Variants in FGF14 observed in about 807,000 individuals in gnomAD.
FGF14 encodes fibroblast growth factor 14.
In FGF14, 5 loss-of-function variants were observed where a neutral mutation model predicts 25.5. The ratio of observed to expected loss-of-function variants is 0.20; its 90% CI spans 0.10 to 0.41. The LOEUF (loss-of-function observed/expected upper bound fraction) is 0.41. Ranked by LOEUF, FGF14 falls within the 10% of genes least tolerant of loss-of-function variation. The pLI is 1.00. For missense variants in FGF14, 222 were observed against 320.1 expected (o/e 0.69, Z 2.34); for synonymous variants, 138 against 118.3 (o/e 1.17, Z -1.08).
intron 1 of FGF14, among the ~76,000 whole-genome samples, chr13:101,929,066 G>A (rs2034566550): frequency 6.6e-6 from 1 of 152,106 alleles, no homozygotes; most frequent in Non-Finnish European, 1.5e-5. Flanking sequence ...TTACATTAAT[G>A]CGTCTATTGA....
chr13:102,267,072 T>C (rs2053023481), intron 1 of FGF14, among the ~76,000 whole-genome samples: 1 of 152,198 alleles, frequency 6.6e-6, no homozygotes, highest in Non-Finnish European at 1.5e-5. Context: ...AGAAATGATG[T>C]GGAAAGTTAA....
At chr13:102,401,784 T>C, upstream of FGF14, 2 of 955,870 alleles carry the variant, frequency 2.1e-6, no homozygotes, top group Non-Finnish European at 3.3e-6. Context: ...GGGTGAATGA[T>C]TTATCCCCCC....
intron 1 of FGF14, among the ~76,000 whole-genome samples, chr13:102,219,324 T>C (rs1000129276): frequency 1.2e-4 from 19 of 152,190 alleles, no homozygotes; most frequent in African/African-American, 4.6e-4. Context: ...TGCATTTTCT[T>C]GCCCTACCTC....
At chr13:102,322,343 T>G (rs992620379) in intron 1 of FGF14, among the ~76,000 whole-genome samples, 1 of 152,090 alleles carries the variant, frequency 6.6e-6, no homozygotes, top group Non-Finnish European at 1.5e-5. Flanking sequence ...TGGCATAGAG[T>G]GCAGGAACAT....
intron 1 of FGF14, among the ~76,000 whole-genome samples, chr13:101,986,076 A>T (rs1208786367): frequency 1.3e-5 from 2 of 152,154 alleles, no homozygotes; most frequent in African/African-American, 4.8e-5. Flanking sequence ...TGTAAGTTCA[A>T]TTTGATACTT....
chr13:101,832,767 T>C lies in FGF14; in HGVS notation c.408+35958A>G, dbSNP rs368007202. 1.1e-4 allele frequency among the ~76,000 whole-genome samples: 17 copies of C among 151,818 alleles called. No individual in the cohort carries two copies. The East Asian group carries it at 1.9e-3, about 17-fold the overall frequency. ...AGGACATGAACTTTTAAATGAAGAG[T>C]AATGAGATAGAAAGACATAAGAATT... On this transcript the variant is annotated intron_variant, in intron 3 of 4. Coordinates refer to ENST00000376143, the MANE Select transcript of FGF14 (RefSeq NM_004115.4).
At chr13:101,938,465 A>G (rs1214503792) in intron 1 of FGF14, among the ~76,000 whole-genome samples, 1 of 152,238 alleles carries the variant, frequency 6.6e-6, no homozygotes, top group East Asian at 1.9e-4. Context: ...AGACATGAAT[A>G]TGGAAAGAAC....
At chr13:101,899,146 A>G (rs2031171900) in intron 1 of FGF14, among the ~76,000 whole-genome samples, 1 of 152,166 alleles carries the variant, frequency 6.6e-6, no homozygotes, top group Admixed American at 6.6e-5. Context: ...GTGAAAGCCA[A>G]TTTCAAATAT....
Position 101,793,869 on chromosome 13 carries a change from A to G in FGF14, c.409-67059T>C, listed in dbSNP as rs1218652475. Among the ~76,000 whole-genome samples, 3 of 152,092 alleles carry G rather than the reference A, an allele frequency of 2.0e-5. No homozygotes were observed. In the East Asian group the frequency reaches 5.8e-4, roughly 29 times the overall value. On this transcript the variant is annotated intron_variant, in intron 3 of 4. Coordinates refer to ENST00000376143, the MANE Select transcript of FGF14 (RefSeq NM_004115.4). ...TTCACATTTTATTTTGAAAATAATC[A>G]ATTAGCTATATATATATTAGTGAGA...
At chr13:102,014,772 CTT>C (rs1049627103) in intron 1 of FGF14, among the ~76,000 whole-genome samples, 21 of 151,946 alleles carry the variant, frequency 1.4e-4, no homozygotes, top group African/African-American at 4.8e-4. Context: ...ATATGACAAA[CTT>C]ATTTTTTTAT....
intron 1 of FGF14, among the ~76,000 whole-genome samples, chr13:102,037,295 A>T (rs1347705964): frequency 6.6e-6 from 1 of 152,128 alleles, no homozygotes; most frequent in African/African-American, 2.4e-5. Flanking sequence ...CAGTGGACTA[A>T]AATCAGGGTT....
Position 102,176,860 on chromosome 13 carries a change from G to GT in FGF14, c.208+224610_208+224611insA, listed in dbSNP as rs1156727546. Among the ~76,000 whole-genome samples the GT allele has an allele frequency of 2.6e-5, 4 of 151,178 alleles. No individual in the cohort carries two copies. The East Asian group carries it at 5.9e-4, about 22-fold the overall frequency. On this transcript the variant is annotated intron_variant, in intron 1 of 4. Coordinates refer to the FGF14 transcript ENST00000376131. ...ATTAAATTGTAAACATTAAACGTGTGGTTTTTTTGTATGTCAATTACACTT... is the reference window on the plus strand; with the variant it reads ...ATTAAATTGTAAACATTAAACGTGTGTGTTTTTTTGTATGTCAATTACACTT...
chr13:102,123,809 A>G (rs952267445), intron 1 of FGF14, among the ~76,000 whole-genome samples: 4 of 152,152 alleles, frequency 2.6e-5, no homozygotes, highest in Admixed American at 2.0e-4. Context: ...TAGGCACTCC[A>G]TAGAATAAGT....
chr13:101,973,909 A>C (rs532566834), intron 1 of FGF14, among the ~76,000 whole-genome samples: 1 of 152,180 alleles, frequency 6.6e-6, no homozygotes, highest in Non-Finnish European at 1.5e-5. Flanking sequence ...GATGTTATTC[A>C]GTTTATTTGC....
intron 1 of FGF14, among the ~76,000 whole-genome samples, chr13:102,311,282 T>C (rs2055752313): frequency 6.6e-6 from 1 of 152,184 alleles, no homozygotes. Flanking sequence ...TCTCTTGGCC[T>C]GGTTTCTGGG....
intron 3 of FGF14, among the ~76,000 whole-genome samples, chr13:101,824,558 T>G (rs1352779049): frequency 6.6e-6 from 1 of 152,208 alleles, no homozygotes; most frequent in African/African-American, 2.4e-5. Context: ...AAATGAAGAA[T>G]TGAGATATGA....
chr13:102,401,953 C>T (rs2058710846), upstream of FGF14, among the ~76,000 whole-genome samples: 1 of 150,352 alleles, frequency 6.7e-6, no homozygotes, highest in Non-Finnish European at 1.5e-5. Flanking sequence ...AGCCTTTTTA[C>T]TTGATCGCTA....
chr13:102,316,224 A>G (rs1463870943), intron 1 of FGF14, among the ~76,000 whole-genome samples: 2 of 152,248 alleles, frequency 1.3e-5, no homozygotes, highest in Non-Finnish European at 2.9e-5. Context: ...TTTCTGCCAC[A>G]GTACTCAACC....
At chr13:102,099,884 C>T (rs1003505342) in intron 1 of FGF14, among the ~76,000 whole-genome samples, 2 of 152,092 alleles carry the variant, frequency 1.3e-5, no homozygotes, top group Non-Finnish European at 2.9e-5. Context: ...TATTCAGGTA[C>T]ATTCAGGGTA....
Sources: allele counts gnomAD v4.1 joint callset (sites outside exome capture counted in the v4.1 genomes callset), GRCh38; gene constraint gnomAD v4.1.1; transcripts MANE v1.5; gene names NCBI Gene and HGNC (gene_info 2026-07-23, HGNC 2026-07-21).